The following FBXL3 variants were observed in gnomAD, a reference collection of about 807,000 sequenced individuals.
FBXL3 encodes the protein F-box/LRR-repeat protein 3.
FBXL3 carries 14 observed loss-of-function variants against 37.9 expected under a neutral mutation model. The observed-to-expected ratio is 0.37, with a 90% confidence interval of 0.24 to 0.58. The LOEUF (loss-of-function observed/expected upper bound fraction) is 0.58. Ranked by LOEUF, FBXL3 falls within the 20% of genes least tolerant of loss-of-function variation. The probability of loss-of-function intolerance (pLI) is 0.74; values close to 1 mark genes in which losing one functional copy is unlikely to be tolerated. For synonymous variants in FBXL3, 194 were observed against 180.1 expected (o/e 1.08, Z -0.62); for missense variants, 327 against 511.1 (o/e 0.64, Z 3.47).
At chr13:77,013,851 G>A (rs374287493) in intron 4 of FBXL3, 25 of 152,190 alleles carry the variant, frequency 1.6e-4, no homozygotes, top group African/African-American at 5.3e-4. Context: ...CCACAATTAA[G>A]TGGGATCAAG....
At chr13:77,020,554 T>C (rs1180534699) in intron 2 of FBXL3, among the ~76,000 whole-genome samples, 6 of 151,502 alleles carry the variant, frequency 4.0e-5, no homozygotes, top group Non-Finnish European at 7.4e-5. Context: ...AGGTTTAGCC[T>C]GGACTATTCA....
intron 1 of FBXL3, among the ~76,000 whole-genome samples, chr13:77,025,002 T>A (rs1392068027): frequency 6.6e-6 from 1 of 152,236 alleles, no homozygotes; most frequent in African/African-American, 2.4e-5. Flanking sequence ...TGAAAAAATT[T>A]ACACTACTTT....
chr13:77,007,055 A>G lies in FBXL3; in HGVS notation c.*90T>C. 1 of 1,480,726 alleles carries G rather than the reference A, an allele frequency of 6.8e-7. No homozygotes were observed. The highest frequency in any genetic ancestry group is 1.4e-5 in the South Asian group (1 of 70,622). The allele number at this position is 1,480,726 out of a possible 1,614,324, so 91.7% of individuals were successfully genotyped here. A position where few individuals can be genotyped will look rare whatever the true frequency, so the allele number is the denominator to read the frequency against. On this transcript the variant is annotated 3_prime_UTR_variant, in exon 5 of 5. Transcript: ENST00000355619. ...GAAGATATCAAATTTCTGTGCCACA[A>G]AATAGTAGAATTATATCAGAACTAC...
intron 1 of FBXL3, chr13:77,026,310 G>A (rs937564275): frequency 1.0e-6 from 1 of 985,288 alleles, no homozygotes; most frequent in Non-Finnish European, 1.2e-6. Context: ...CTGGCTAAGC[G>A]GCAGGGGCGT....
intron 4 of FBXL3, chr13:77,009,048 AG>A (rs895470171): frequency 6.6e-6 from 1 of 152,246 alleles, no homozygotes; most frequent in Non-Finnish European, 1.5e-5. Flanking sequence ...AATCTGGAAA[AG>A]TATTATTTCT....
chr13:77,021,506 A>C lies in FBXL3; in HGVS notation c.348+7T>G. The C allele has an allele frequency of 6.3e-7, 1 of 1,587,110 alleles. No individual in the cohort carries two copies. Among genetic ancestry groups the C allele is most frequent in the Admixed American group, 1.8e-5 (1 of 56,284 alleles). On this transcript the variant is annotated splice_region_variant and intron_variant, in intron 2 of 4. Transcript: ENST00000355619. ...TTATTTTTTAAAAGAAGGATTTAAAATATTACCTTGAAGCTGACATATTGT... is the reference window on the plus strand; with the variant it reads ...TTATTTTTTAAAAGAAGGATTTAAACTATTACCTTGAAGCTGACATATTGT...
intron 4 of FBXL3, among the ~76,000 whole-genome samples, chr13:77,008,036 C>CT (rs2034484067): frequency 6.6e-6 from 1 of 152,186 alleles, no homozygotes; most frequent in Non-Finnish European, 1.5e-5. Flanking sequence ...TCAGTTAACT[C>CT]TGTCATTTAA....
At chr13:77,013,516 C>G (rs2034590833) in intron 4 of FBXL3, 1 of 152,166 alleles carries the variant, frequency 6.6e-6, no homozygotes, top group Non-Finnish European at 1.5e-5. Context: ...CTAGATGGAT[C>G]AGCTGACACC....
chr13:77,016,674 T>TAG (rs1348925941), intron 3 of FBXL3: 1 of 152,092 alleles, frequency 6.6e-6, no homozygotes, highest in Admixed American at 6.6e-5. Flanking sequence ...GCTAAGACTA[T>TAG]AGGTGTGAGC....
rs756071680 is a variant in FBXL3 at position 77,007,502 on chromosome 13, G to A, written c.930C>T (p.Ala310=). 3.4e-5 allele frequency: 55 copies of A among 1,613,934 alleles called. No homozygotes were observed. The East Asian group carries it at 1.2e-3, about 35-fold the overall frequency. The change falls in exon 5 of 5, where the codon GCC becomes GCT. Residue 310 remains alanine, a synonymous_variant. Coordinates refer to ENST00000355619, the MANE Select transcript of FBXL3 (RefSeq NM_012158.4). ...FDPFFRYEIP[A]THLYFGRSVS... ...CTGATCTCCCAAAGTACAGATGGGT[G>A]GCAGGTATTTCATAGCGAAAGAAGG...
chr13:77,011,766 G>A (rs1020655957), intron 4 of FBXL3, among the ~76,000 whole-genome samples: 2 of 147,430 alleles, frequency 1.4e-5, no homozygotes, highest in East Asian at 2.0e-4. Flanking sequence ...TAGTCAACAA[G>A]AAAATGTAAA....
chr13:77,026,758 C>G (rs2034849979), intron 1 of FBXL3, 69 bp downstream of exon 1: 2 of 147,296 alleles, frequency 1.4e-5, no homozygotes, highest in South Asian at 4.2e-4. Flanking sequence ...GGCCCGCCCA[C>G]AGACGGTCCG....
intron 3 of FBXL3, chr13:77,015,817 A>G (rs1455304617): frequency 2.3e-5 from 6 of 259,984 alleles, no homozygotes; most frequent in African/African-American, 8.8e-5. Flanking sequence ...AAGCCTCAGG[A>G]TAAGTGTCTC....
chr13:77,010,948 G>A (rs1393979498), intron 4 of FBXL3: 1 of 152,190 alleles, frequency 6.6e-6, no homozygotes, highest in Non-Finnish European at 1.5e-5. Context: ...TAAGAACATA[G>A]TTCCAAGTAT....
At chr13:77,017,205 G>T (rs141978071) in intron 3 of FBXL3, 7 of 152,260 alleles carry the variant, frequency 4.6e-5, no homozygotes, top group Non-Finnish European at 1.0e-4. Context: ...AATAAGGGAA[G>T]AAGCATTCTT....
intron 3 of FBXL3, 92 bp from the exon 4 acceptor site, chr13:77,015,672 A>G: frequency 2.6e-6 from 2 of 781,256 alleles, no homozygotes; most frequent in South Asian, 6.7e-5. Context: ...TCTGAACCAT[A>G]ATGACATATT....
Position 77,006,330 on chromosome 13 carries a change from T to G in FBXL3, c.*815A>C, listed in dbSNP as rs2034451256. The G allele has an allele frequency of 6.6e-6, 1 of 152,148 alleles. No homozygotes were observed. Among genetic ancestry groups the G allele is most frequent in the African/African-American group, 2.4e-5 (1 of 41,460 alleles). The allele number at this position is 152,148 out of a possible 1,614,324, so 9.4% of individuals were successfully genotyped here. A position where few individuals can be genotyped will look rare whatever the true frequency, so the allele number is the denominator to read the frequency against. ...TTCATTTCAATTATTGTTTAATACT[T>G]TAAAGCTAGTTTAAACAAAGATAAA... On this transcript the variant is annotated 3_prime_UTR_variant, in exon 5 of 5. Transcript: ENST00000355619.
intron 2 of FBXL3, among the ~76,000 whole-genome samples, chr13:77,020,370 A>G (rs541419140): frequency 6.6e-6 from 1 of 152,294 alleles, no homozygotes. Context: ...TTTTCTGGGA[A>G]AAAAAAGGCA....
At chr13:77,025,863 C>A (rs1221136928) in intron 1 of FBXL3, among the ~76,000 whole-genome samples, 1 of 152,138 alleles carries the variant, frequency 6.6e-6, no homozygotes, top group African/African-American at 2.4e-5. Flanking sequence ...CATCACAGTT[C>A]CTTTCTGTTC....
Sources: gnomAD v4.1 joint callset for allele counts (sites outside exome capture counted in the v4.1 genomes callset) on GRCh38, gnomAD v4.1.1 for gene constraint, MANE v1.5 for transcripts, NCBI Gene and HGNC (gene_info 2026-07-23, HGNC 2026-07-21) for gene names.